The following UGDH variants were observed in gnomAD, a reference collection of about 807,000 sequenced individuals.
UGDH encodes the protein UDP-glucose 6-dehydrogenase, also known as UDP-Glc dehydrogenase.
A neutral mutation model predicts 50.6 loss-of-function variants in UGDH; 38 were observed. The observed-to-expected ratio is 0.75, with a 90% CI of 0.58 to 0.98. The LOEUF (loss-of-function observed/expected upper bound fraction) is 0.98, where lower values mean the gene tolerates loss of function less well. Among genes scored for constraint, UGDH ranks in the 50% least tolerant of loss-of-function variants. UGDH has a pLI of 0.00. For synonymous variants in UGDH, 168 were observed against 199.9 expected (o/e 0.84, Z 1.35); for missense variants, 465 against 606.2 (o/e 0.77, Z 2.45).
intron 6 of UGDH, 74 bp downstream of exon 6, chr4:39,509,686 G>A (rs556478323): frequency 7.8e-5 from 117 of 1,502,758 alleles, no homozygotes; most frequent in Middle Eastern, 5.4e-4. Flanking sequence ...TATATAAAGC[G>A]CTGGTACCAG....
chr4:39,505,512 T>G, intron 8 of UGDH, 106 bp downstream of exon 8: 1 of 1,122,146 alleles, frequency 8.9e-7, no homozygotes, highest in Non-Finnish European at 1.2e-6. Flanking sequence ...ATTCTTTATA[T>G]TTTATATATA....
Position 39,515,250 on chromosome 4 carries a change from A to G in UGDH, c.163-1066T>C, listed in dbSNP as rs555710482. Among the ~76,000 whole-genome samples the G allele has an allele frequency of 1.2e-3, 184 of 152,346 alleles. 1 individual carries two copies. Among genetic ancestry groups the G allele is most frequent in the African/African-American group, 4.3e-3 (179 of 41,582 alleles). On this transcript the variant is annotated intron_variant, in intron 2 of 11. Transcript: ENST00000316423. ...TCATTGTTTACCATGTGACTAACTC[A>G]TAAGAGTTAACCATTAACTATGAGT...
rs527372967 is a variant in UGDH at position 39,526,989 on chromosome 4, G to A, written c.-8+294C>T. The A allele has an allele frequency of 6.8e-5, 88 of 1,287,354 alleles. No homozygotes were observed. The South Asian group carries it at 1.0e-3, about 15-fold the overall frequency. The allele number at this position is 1,287,354 out of a possible 1,614,324, so 79.7% of individuals were successfully genotyped here. A position where few individuals can be genotyped will look rare whatever the true frequency, so the allele number is the denominator to read the frequency against. ...TGGGCGTTCGGCTTTGGAGGCGGCA[G>A]GGAAATCTCATCCAAGTCAGGAAAG... On this transcript the variant is annotated intron_variant, in intron 1 of 11. Transcript: ENST00000316423.
chr4:39,509,645 C>T, intron 6 of UGDH, 115 bp downstream of exon 6: 1 of 1,195,042 alleles, frequency 8.4e-7, no homozygotes, highest in African/African-American at 1.6e-5. Flanking sequence ...ATAACAGCAT[C>T]TACCTAACAG....
intron 3 of UGDH, among the ~76,000 whole-genome samples, 189 bp downstream of exon 3, chr4:39,513,894 T>A (rs1407814166): frequency 4.6e-5 from 7 of 152,186 alleles, no homozygotes. Context: ...TGACTTGTAA[T>A]GACATATTTG....
chr4:39,504,126 G>C, intron 10 of UGDH, 141 bp from the exon 11 acceptor site: 1 of 682,542 alleles, frequency 1.5e-6, no homozygotes, highest in Admixed American at 2.8e-5. Context: ...GGCCAACATG[G>C]TGAAACCCCG....
intron 2 of UGDH, among the ~76,000 whole-genome samples, chr4:39,518,385 G>A (rs1746515277): frequency 6.6e-6 from 1 of 151,938 alleles, no homozygotes; most frequent in Non-Finnish European, 1.5e-5. Flanking sequence ...GTCTCACTTT[G>A]TTGCCCAGGC....
intron 5 of UGDH, 89 bp downstream of exon 5, chr4:39,510,264 A>G: frequency 7.6e-7 from 1 of 1,320,296 alleles, no homozygotes; most frequent in Non-Finnish European, 1.1e-6. Context: ...TCTTACTACT[A>G]TTAAAAAAGT....
At position 39,510,192 on chromosome 4, in the gene UGDH, T is replaced by G. The variant is rs543343201; in HGVS notation, c.663+161A>C. On this transcript the variant is annotated intron_variant, in intron 5 of 11. Transcript: ENST00000316423. The stretch of plus-strand genomic sequence containing the variant: ...ATCTTTTATACCCTCATATATGATC[T>G]CCCTTGTGAAAATTATTTCATAATT... 5.9e-5 allele frequency among the ~76,000 whole-genome samples: 9 copies of G among 152,372 alleles called. No homozygotes were observed. The South Asian group carries it at 1.9e-3, about 32-fold the overall frequency.
intron 11 of UGDH, among the ~76,000 whole-genome samples, chr4:39,503,503 T>C (rs970034255): frequency 1.3e-5 from 2 of 152,190 alleles, no homozygotes; most frequent in African/African-American, 4.8e-5. Context: ...TCTCTACCTT[T>C]AGATCGCAAA....
At chr4:39,513,531 CTTTTTTT>C (rs10707997) in intron 3 of UGDH, among the ~76,000 whole-genome samples, 2 of 88,006 alleles carry the variant, frequency 2.3e-5, no homozygotes, top group African/African-American at 4.3e-5. Context: ...TTTCCTAGTT[CTTTTTTT>C]TTTTTTTTTT....
At position 39,508,633 on chromosome 4, in the gene UGDH, T is replaced by C; in HGVS notation, c.839A>G (p.Asp280Gly). The C allele has an allele frequency of 6.2e-7, 1 of 1,603,100 alleles. No individual in the cohort carries two copies. The highest frequency in any genetic ancestry group is 8.5e-7 in the Non-Finnish European group (1 of 1,177,114). The change falls in exon 7 of 12, where the codon GAT becomes GGT. Residue 280 changes from aspartate to glycine, a missense_variant. By Grantham distance (94) the Asp-to-Gly change is moderately conservative (BLOSUM62 -1). Transcript: ENST00000316423. ...VGFGGSCFQKDVLNLVYLCEA... is the reference protein window; with the variant it reads ...VGFGGSCFQKGVLNLVYLCEA... Reference sequence around the variant, plus strand: ...ACAGAGATAAACCAAATTCAGAACATCCTTTTGGAAACAGCTCCCACCAAA... The same window carrying C: ...ACAGAGATAAACCAAATTCAGAACACCCTTTTGGAAACAGCTCCCACCAAA...
At chr4:39,500,410 C>T (rs1031008816) in intron 11 of UGDH, among the ~76,000 whole-genome samples, 157 bp from the exon 12 acceptor site, 8 of 152,034 alleles carry the variant, frequency 5.3e-5, no homozygotes, top group Non-Finnish European at 7.4e-5. Flanking sequence ...GGTTTCTTCC[C>T]TATTTTTTGT....
intron 5 of UGDH, 77 bp from the exon 6 acceptor site, chr4:39,509,984 C>T (rs1021096938): frequency 3.5e-5 from 51 of 1,454,508 alleles, no homozygotes; most frequent in African/African-American, 3.2e-4. Flanking sequence ...TATTTCATTG[C>T]GTTGACGCAA....
intron 2 of UGDH, among the ~76,000 whole-genome samples, chr4:39,517,881 G>A (rs1460609795): frequency 6.6e-6 from 1 of 152,108 alleles, no homozygotes; most frequent in Non-Finnish European, 1.5e-5. Context: ...ACACAGTACA[G>A]TATTTTGTTG....
At chr4:39,525,950 G>A (rs754339834) in intron 1 of UGDH, among the ~76,000 whole-genome samples, 2 of 152,086 alleles carry the variant, frequency 1.3e-5, no homozygotes, top group African/African-American at 2.4e-5. Context: ...AAACCAAACC[G>A]TTCCAAAACT....
In UGDH at chr4:39,508,670, G is replaced by T. The variant is rs200939360; in HGVS notation, c.812-10C>A. The T allele has an allele frequency of 6.3e-7, 1 of 1,578,300 alleles. No homozygotes were observed. The highest frequency in any genetic ancestry group is 2.3e-5 in the East Asian group (1 of 42,748). The stretch of plus-strand genomic sequence containing the variant: ...CAGCTCCCACCAAACCCTGCAGAAA[G>T]AAAAAAATGAACAATATTTTCATGT... On this transcript the variant is annotated splice_polypyrimidine_tract_variant and intron_variant, in intron 6 of 11. Transcript: ENST00000316423.
intron 2 of UGDH, among the ~76,000 whole-genome samples, chr4:39,514,611 T>A (rs1049223549): frequency 3.9e-5 from 6 of 152,096 alleles, no homozygotes; most frequent in African/African-American, 7.2e-5. Flanking sequence ...GCTCAAACAA[T>A]CCTCCCATCT....
intron 2 of UGDH, among the ~76,000 whole-genome samples, chr4:39,515,418 T>C (rs182537907): frequency 2.6e-5 from 4 of 152,228 alleles, no homozygotes; most frequent in Admixed American, 2.6e-4. Context: ...ACTCCATATA[T>C]GCTTAAATAA....
Sources: allele counts gnomAD v4.1 joint callset (sites outside exome capture counted in the v4.1 genomes callset), GRCh38; gene constraint gnomAD v4.1.1; transcripts MANE v1.5; gene names NCBI Gene and HGNC (gene_info 2026-07-23, HGNC 2026-07-21).